Variants in DHRSX observed in about 807,000 individuals in gnomAD.
The protein encoded by DHRSX is dehydrogenase/reductase X-linked.
DHRSX carries 31 observed loss-of-function variants against 34.0 expected under a neutral mutation model. The ratio of observed to expected loss-of-function variants is 0.91; its 90% confidence interval spans 0.69 to 1.23. The LOEUF (loss-of-function observed/expected upper bound fraction) is 1.23, where lower values mean the gene tolerates loss of function less well. DHRSX is among the 50% of genes most tolerant of loss of function. DHRSX has a pLI of 0.00. For synonymous variants in DHRSX, 201 were observed against 183.8 expected, an observed-to-expected ratio of 1.09 and a Z score of -0.76; for missense variants, 414 against 428.1, an observed-to-expected ratio of 0.97 and a Z score of 0.29.
intron 1 of DHRSX, among the ~76,000 whole-genome samples, chrX:2,436,962 T>C (rs1256140613): frequency 6.6e-6 from 1 of 152,054 alleles, no homozygotes; most frequent in East Asian, 1.9e-4. Context: ...AAGAGGTTCC[T>C]GAACTTTACT....
intron 1 of DHRSX, among the ~76,000 whole-genome samples, chrX:2,451,769 A>G (rs1289395766): frequency 6.6e-6 from 1 of 152,184 alleles, no homozygotes; most frequent in Non-Finnish European, 1.5e-5. Flanking sequence ...AGACACTGAC[A>G]CTCAGAAGAA....
chrX:2,313,919 CT>C (rs1371514948), intron 3 of DHRSX, among the ~76,000 whole-genome samples: 19 of 151,982 alleles, frequency 1.3e-4, no homozygotes, highest in Admixed American at 7.9e-4. Context: ...GGCTGCCAGG[CT>C]ATAGGTAAGT....
chrX:2,394,242 G>A (rs1421889415), intron 3 of DHRSX, among the ~76,000 whole-genome samples: 3 of 152,194 alleles, frequency 2.0e-5, no homozygotes, highest in Non-Finnish European at 2.9e-5. Flanking sequence ...GGCTCCCTGT[G>A]AAGGCCAGTG....
intron 5 of DHRSX, among the ~76,000 whole-genome samples, chrX:2,255,903 CA>C (rs2041270496): frequency 6.6e-6 from 1 of 151,542 alleles, no homozygotes; most frequent in African/African-American, 2.4e-5. Context: ...GCCTGGGTGA[CA>C]AAAGCGAAAC....
intron 1 of DHRSX, among the ~76,000 whole-genome samples, chrX:2,462,807 TAA>T (rs200231232): frequency 6.9e-6 from 1 of 145,738 alleles, no homozygotes; most frequent in Non-Finnish European, 1.5e-5. Context: ...TTTATCAAAT[TAA>T]AAAAAAAAAG....
rs140025779 is a variant in DHRSX, at chrX:2,425,223, G to T, written c.191C>A (p.Ala64Glu). 2 of 1,613,338 alleles carry T rather than the reference G, an allele frequency of 1.2e-6. No individual in the cohort carries two copies. The highest frequency in any genetic ancestry group is 4.5e-5 in the East Asian group (2 of 44,864). Residue 64 changes from alanine (A) to glutamate (E), a missense_variant, in exon 2 of 7, where the codon GCG becomes GAG. Ala to Glu is a moderately radical substitution (Grantham distance 107). Transcript: ENST00000334651. ...GIGYSTAKHL[A>E]RLGMHVIIAG... is the part of the protein sequence containing the mutation. ...TATGATAACATGCATGCCAAGTCTC[G>T]CCAGATGCTTCGCTGTAGAATAGCC...
At chrX:2,446,794 T>C (rs781753185) in intron 1 of DHRSX, among the ~76,000 whole-genome samples, 1 of 151,586 alleles carries the variant, frequency 6.6e-6, no homozygotes, top group East Asian at 2.0e-4. Context: ...ACTGCCACTG[T>C]GTAGGCACTG....
At chrX:2,366,133 G>A (rs2042991863) in intron 3 of DHRSX, among the ~76,000 whole-genome samples, 1 of 152,112 alleles carries the variant, frequency 6.6e-6, no homozygotes, top group Admixed American at 6.6e-5. Context: ...TGATGGCAGA[G>A]GATAAAATAT....
intron 3 of DHRSX, among the ~76,000 whole-genome samples, chrX:2,388,603 A>G (rs181607212): frequency 0.052 from 7,809 of 150,546 alleles, 515 homozygotes; most frequent in African/African-American, 0.16. Flanking sequence ...TTTCTAAGCC[A>G]CCCAGCCTAT....
intron 3 of DHRSX, among the ~76,000 whole-genome samples, chrX:2,331,250 G>A (rs2042468299): frequency 6.6e-6 from 1 of 151,894 alleles, no homozygotes; most frequent in Non-Finnish European, 1.5e-5. Context: ...CTTTACTTCT[G>A]CTATTTTCAC....
chrX:2,420,537 G>A (rs1364528368), intron 2 of DHRSX, among the ~76,000 whole-genome samples: 1 of 151,972 alleles, frequency 6.6e-6, no homozygotes, highest in African/African-American at 2.4e-5. Context: ...AAGGTCAAGA[G>A]ATCGAGACCA....
intron 4 of DHRSX, among the ~76,000 whole-genome samples, chrX:2,287,307 C>G: frequency 6.6e-6 from 1 of 152,084 alleles, no homozygotes; most frequent in East Asian, 1.9e-4. Flanking sequence ...CAAAGATGTC[C>G]ACATCCTAAT....
chrX:2,235,888 C>T (rs189962280), intron 6 of DHRSX, among the ~76,000 whole-genome samples: 279 of 149,996 alleles, frequency 1.9e-3, no homozygotes, highest in Non-Finnish European at 2.8e-3. Flanking sequence ...CCGAGGCGGG[C>T]GGATCACGAG....
At chrX:2,325,635 C>A (rs1288167218) in intron 3 of DHRSX, among the ~76,000 whole-genome samples, 3 of 151,450 alleles carry the variant, frequency 2.0e-5, no homozygotes, top group Non-Finnish European at 4.4e-5. Flanking sequence ...TCGGAGAGCC[C>A]CGACCAACTA....
chrX:2,403,166 G>C (rs1360758681), intron 3 of DHRSX, among the ~76,000 whole-genome samples: 2 of 152,124 alleles, frequency 1.3e-5, no homozygotes, highest in Non-Finnish European at 2.9e-5. Context: ...TCAGGGGTGA[G>C]CCACCATGTC....
chrX:2,225,301 C>T (rs1476384291), intron 6 of DHRSX, among the ~76,000 whole-genome samples: 1 of 147,054 alleles, frequency 6.8e-6, no homozygotes, highest in Admixed American at 6.7e-5. Flanking sequence ...CATGTACACA[C>T]ATTCACATGC....
chrX:2,334,251 C>A (rs1029640145), intron 3 of DHRSX: 1 of 146,676 alleles, frequency 6.8e-6, no homozygotes, highest in Non-Finnish European at 1.5e-5. Flanking sequence ...GCAACCTCCA[C>A]CTCCTAGGTT....
intron 3 of DHRSX, among the ~76,000 whole-genome samples, chrX:2,402,166 G>A (rs1359110868): frequency 2.0e-5 from 3 of 152,210 alleles, no homozygotes; most frequent in Admixed American, 2.0e-4. Flanking sequence ...TGCTCCTGGA[G>A]TCAGGACGTG....
At chrX:2,373,205 C>T (rs2043100642) in intron 3 of DHRSX, among the ~76,000 whole-genome samples, 1 of 152,158 alleles carries the variant, frequency 6.6e-6, no homozygotes. Flanking sequence ...CGGGTCACCG[C>T]GCCCATGATT....
Sources: gnomAD v4.1 joint callset for allele counts (sites outside exome capture counted in the v4.1 genomes callset) on GRCh38, gnomAD v4.1.1 for gene constraint, MANE v1.5 for transcripts, NCBI Gene and HGNC (gene_info 2026-07-23, HGNC 2026-07-21) for gene names.